CERS6: variants seen among roughly 807,000 people sequenced by gnomAD.
CERS6 encodes LAG1 homolog, ceramide synthase 6.
In CERS6, 26 loss-of-function variants were observed where a neutral mutation model predicts 56.8. That is an observed-to-expected ratio of 0.46 (90% CI 0.34 to 0.63). The LOEUF (loss-of-function observed/expected upper bound fraction) is 0.63. Among genes scored for constraint, CERS6 ranks in the 30% least tolerant of loss-of-function variants. CERS6 has a pLI of 0.01. For missense variants in CERS6, 415 were observed against 467.5 expected (o/e 0.89, Z 1.04); for synonymous variants, 164 against 173.3 (o/e 0.95, Z 0.42).
At chr2:168,463,689 C>G (rs1304707078) in intron 1 of CERS6, among the ~76,000 whole-genome samples, 2 of 152,168 alleles carry the variant, frequency 1.3e-5, no homozygotes, top group Non-Finnish European at 2.9e-5. Context: ...GGTTGGATTG[C>G]TTGAGCCCAG....
intron 6 of CERS6, among the ~76,000 whole-genome samples, chr2:168,695,807 A>G (rs1232892511): frequency 6.6e-6 from 1 of 152,178 alleles, no homozygotes; most frequent in Non-Finnish European, 1.5e-5. Flanking sequence ...CCTACATGCC[A>G]TGAATTCTGA....
intron 1 of CERS6, among the ~76,000 whole-genome samples, chr2:168,545,621 A>G (rs2105371363): frequency 6.6e-6 from 1 of 152,292 alleles, no homozygotes; most frequent in Admixed American, 6.5e-5. Flanking sequence ...CACACAGAGA[A>G]TGTCTGCTAA....
chr2:168,602,477 A>G (rs1369518839), intron 3 of CERS6, among the ~76,000 whole-genome samples: 1 of 152,092 alleles, frequency 6.6e-6, no homozygotes, highest in African/African-American at 2.4e-5. Flanking sequence ...AGATCCACCT[A>G]CCTATGTGGA....
chr2:168,658,404 G>A (rs574115932), intron 4 of CERS6, among the ~76,000 whole-genome samples: 32 of 152,216 alleles, frequency 2.1e-4, no homozygotes, highest in African/African-American at 7.2e-4. Context: ...AAATACCCTG[G>A]CTTTGTTGTG....
chr2:168,769,899 T>C lies in CERS6; in HGVS notation c.*237T>C. 1 of 502,842 alleles carries C rather than the reference T, an allele frequency of 2.0e-6. No individual in the cohort carries two copies. 31.1% of individuals were successfully genotyped at this position (502,842 alleles called of 1,614,324 possible). On this transcript the variant is annotated 3_prime_UTR_variant, in exon 10 of 10. Coordinates refer to ENST00000305747, the MANE Select transcript of CERS6 (RefSeq NM_203463.3). Reference sequence around the variant, plus strand: ...CACAAGGGAACAGTATTTGCATTTGTACTGTCTTAGAATATTATTTATTTT... The same window carrying C: ...CACAAGGGAACAGTATTTGCATTTGCACTGTCTTAGAATATTATTTATTTT...
intron 2 of CERS6, among the ~76,000 whole-genome samples, chr2:168,560,296 A>C (rs989393819): frequency 1.1e-4 from 16 of 152,208 alleles, no homozygotes; most frequent in African/African-American, 3.6e-4. Flanking sequence ...TCAAGATGAG[A>C]TTTGGGTGGG....
chr2:168,704,336 C>T (rs1559059786), intron 6 of CERS6, among the ~76,000 whole-genome samples: 1 of 151,964 alleles, frequency 6.6e-6, no homozygotes. Flanking sequence ...TTCGGGTCCT[C>T]AGGAGTCCCA....
At chr2:168,464,362 T>C (rs984231409) in intron 1 of CERS6, among the ~76,000 whole-genome samples, 1 of 152,116 alleles carries the variant, frequency 6.6e-6, no homozygotes, top group Non-Finnish European at 1.5e-5. Context: ...GGTTTCACCA[T>C]GTTGGCCGGG....
chr2:168,691,944 T>TG (rs1343780666), intron 5 of CERS6, among the ~76,000 whole-genome samples: 1 of 152,176 alleles, frequency 6.6e-6, no homozygotes, highest in Admixed American at 6.5e-5. Flanking sequence ...GTTTGGTCTT[T>TG]GGGGCGTGCA....
chr2:168,565,822 C>A (rs1695874145), intron 3 of CERS6, among the ~76,000 whole-genome samples: 1 of 152,042 alleles, frequency 6.6e-6, no homozygotes. Context: ...TTATTGGCAA[C>A]TGAAATAGAG....
chr2:168,474,971 C>T (rs1694043214), intron 1 of CERS6, among the ~76,000 whole-genome samples: 1 of 152,126 alleles, frequency 6.6e-6, no homozygotes, highest in Non-Finnish European at 1.5e-5. Flanking sequence ...GAAACATTTT[C>T]ATTCAGCATG....
rs372304719 is a variant in CERS6, at chr2:168,769,496, C to T, written c.1003-14C>T. On this transcript the variant is annotated splice_polypyrimidine_tract_variant and intron_variant, in intron 9 of 9. Transcript: ENST00000305747. ...CTTAGGTGCTGGTTATACTCACCTG[C>T]TTCTACTCCACAGGTGTCCAAGGAT... 1.0e-4 allele frequency: 161 copies of T among 1,570,898 alleles called. No individual in the cohort carries two copies. Among genetic ancestry groups the T allele is most frequent in the Non-Finnish European group, 1.3e-4 (148 of 1,163,222 alleles).
intron 1 of CERS6, among the ~76,000 whole-genome samples, chr2:168,479,544 C>T (rs914462110): frequency 6.6e-6 from 1 of 152,202 alleles, no homozygotes; most frequent in Non-Finnish European, 1.5e-5. Flanking sequence ...TATGGTATGG[C>T]AGGCAGGTTG....
At chr2:168,503,909 A>G (rs1048001883) in intron 1 of CERS6, among the ~76,000 whole-genome samples, 1 of 152,174 alleles carries the variant, frequency 6.6e-6, no homozygotes, top group Non-Finnish European at 1.5e-5. Context: ...AGTCCAAGAA[A>G]CCCTCTAAGC....
intron 1 of CERS6, among the ~76,000 whole-genome samples, chr2:168,495,793 G>A (rs1056142622): frequency 4.6e-5 from 7 of 152,086 alleles, no homozygotes; most frequent in African/African-American, 1.4e-4. Flanking sequence ...TCCTTTCAGG[G>A]GGGGCATGAT....
intron 4 of CERS6, among the ~76,000 whole-genome samples, chr2:168,678,241 G>A (rs1195604848): frequency 6.6e-6 from 1 of 152,142 alleles, no homozygotes; most frequent in African/African-American, 2.4e-5. Context: ...TCCTAAATTG[G>A]ATTCAGGGAC....
At chr2:168,544,421 A>T (rs13031884) in intron 1 of CERS6, among the ~76,000 whole-genome samples, 43,872 of 152,012 alleles carry the variant, frequency 0.29, 7,606 homozygotes, top group East Asian at 0.52. Context: ...TTGAGGGAGG[A>T]TTAAATGAGA....
At chr2:168,734,926 A>T (rs1046080663) in intron 8 of CERS6, among the ~76,000 whole-genome samples, 5 of 152,238 alleles carry the variant, frequency 3.3e-5, no homozygotes, top group African/African-American at 1.2e-4. Context: ...TCCCACTTGC[A>T]CATAATCACT....
intron 1 of CERS6, among the ~76,000 whole-genome samples, chr2:168,531,559 C>T (rs1028693234): frequency 1.3e-5 from 2 of 152,116 alleles, no homozygotes; most frequent in African/African-American, 2.4e-5. Flanking sequence ...CGGTGGCTCA[C>T]GTCTGTAATC....
Sources: allele counts gnomAD v4.1 joint callset (sites outside exome capture counted in the v4.1 genomes callset), GRCh38; gene constraint gnomAD v4.1.1; transcripts MANE v1.5; gene names NCBI Gene and HGNC (gene_info 2026-07-23, HGNC 2026-07-21).